The following DMC1 variants were observed in gnomAD, a reference collection of about 807,000 sequenced individuals.
The protein encoded by DMC1 is meiotic recombination protein DMC1 homolog.
A neutral mutation model predicts 50.1 loss-of-function variants in DMC1; 27 were observed. That is an observed-to-expected ratio of 0.54 (90% CI 0.40 to 0.74). The LOEUF is 0.74. Ranked by LOEUF, DMC1 falls within the 30% of genes least tolerant of loss-of-function variation. The pLI is 0.00. For synonymous variants in DMC1, 148 were observed against 136.1 expected, an observed-to-expected ratio of 1.09 and a Z score of -0.61; for missense variants, 295 against 420.2, an observed-to-expected ratio of 0.70 and a Z score of 2.60.
Position 38,549,981 on chromosome 22 carries a change from TG to T in DMC1, c.437del (p.Pro146GlnfsTer34). On this transcript the variant is annotated frameshift_variant, in exon 8 of 14. Transcript: ENST00000216024. LOFTEE classifies it high-confidence loss of function. ...SHTLCVTAQL[P>X]GAGGYPGGKI... ...TTCCTCCTGGGTAGCCACCAGCTCCTGGAAGTTGAGCTGTCACTAGGAAGCA... is the reference window on the plus strand; with the variant it reads ...TTCCTCCTGGGTAGCCACCAGCTCCTGAAGTTGAGCTGTCACTAGGAAGCA... The T allele has an allele frequency of 6.2e-7, 1 of 1,613,382 alleles. No individual in the cohort carries two copies. Among genetic ancestry groups the T allele is most frequent in the Non-Finnish European group, 8.5e-7 (1 of 1,179,492 alleles).
chr22:38,542,337 TAAAC>T (rs1293042306), intron 8 of DMC1, among the ~76,000 whole-genome samples: 1 of 151,908 alleles, frequency 6.6e-6, no homozygotes, highest in African/African-American at 2.4e-5. Flanking sequence ...TTAGAACTGA[TAAAC>T]AAATTCAGTA....
At chr22:38,533,395 CA>C (rs1296043692) in intron 12 of DMC1, among the ~76,000 whole-genome samples, 822 of 38,476 alleles carry the variant, frequency 0.021, 3 homozygotes, top group African/African-American at 0.054. Flanking sequence ...GACTCCATCA[CA>C]AAAAAAAAAA....
chr22:38,549,657 A>G, intron 8 of DMC1: 1 of 354,152 alleles, frequency 2.8e-6, no homozygotes, highest in South Asian at 4.6e-5. Flanking sequence ...CTATTAAGCA[A>G]CATCTTTAGA....
chr22:38,568,249 T>C lies in DMC1; in HGVS notation c.8A>G (p.Glu3Gly). Residue 3 changes from glutamate (E) to glycine (G), a missense_variant, in exon 2 of 14, where the codon GAG (glutamate) becomes GGG (glycine). Coordinates refer to ENST00000216024, the MANE Select transcript of DMC1 (RefSeq NM_007068.4). The part of the protein sequence containing the change: MK[E>G]DQVVAEEPGF... ...TGGTTCTTCCGCCACAACTTGATCC[T>C]CCTTCATATTGAAAAGTGGGCAACA... The C allele has an allele frequency of 6.2e-7, 1 of 1,614,168 alleles. No homozygotes were observed. Among genetic ancestry groups the C allele is most frequent in the Non-Finnish European group, 8.5e-7 (1 of 1,179,996 alleles).
At position 38,552,713 on chromosome 22, in the gene DMC1, A is replaced by G; in HGVS notation, c.380-6T>C. The G allele has an allele frequency of 1.3e-6, 2 of 1,569,636 alleles. No individual in the cohort carries two copies. The highest frequency in any genetic ancestry group is 1.8e-6 in the Non-Finnish European group (2 of 1,139,978). On this transcript the variant is annotated splice_polypyrimidine_tract_variant and splice_region_variant and intron_variant, in intron 6 of 13. Coordinates refer to ENST00000216024, the MANE Select transcript of DMC1 (RefSeq NM_007068.4). Reference sequence around the variant, plus strand: ...GGTTTTTCCAGTACGAAATTCTGTGAAATACAGAAAAAAATGATTTTAAAA... The same window carrying G: ...GGTTTTTCCAGTACGAAATTCTGTGGAATACAGAAAAAAATGATTTTAAAA...
intron 8 of DMC1, 36 bp from the exon 9 acceptor site, chr22:38,539,448 A>C: frequency 1.3e-6 from 2 of 1,572,224 alleles, no homozygotes; most frequent in Non-Finnish European, 1.8e-6. Context: ...CAATAAGTCA[A>C]TTCTAAAAAA....
intron 4 of DMC1, among the ~76,000 whole-genome samples, chr22:38,562,836 T>C (rs1057345013): frequency 1.3e-5 from 2 of 151,192 alleles, no homozygotes; most frequent in African/African-American, 4.9e-5. Context: ...TATATACATA[T>C]ACACATATAT....
chr22:38,524,753 C>T (rs902452197), intron 12 of DMC1, among the ~76,000 whole-genome samples: 2 of 152,130 alleles, frequency 1.3e-5, no homozygotes, highest in Admixed American at 6.6e-5. Flanking sequence ...AACTGGCCCC[C>T]TCTGTGCTTT....
intron 5 of DMC1, among the ~76,000 whole-genome samples, chr22:38,560,507 T>TA (rs908660820): frequency 0.012 from 1,766 of 143,234 alleles, 39 homozygotes; most frequent in African/African-American, 0.041. Flanking sequence ...TTTAGTGAAT[T>TA]AAAAAAAAAA....
chr22:38,549,867 C>T (rs2145925530), intron 8 of DMC1, 58 bp downstream of exon 8: 2 of 1,289,628 alleles, frequency 1.6e-6, no homozygotes, highest in Non-Finnish European at 2.3e-6. Flanking sequence ...ACAAACTCTT[C>T]AGTGGTAACA....
At chr22:38,538,021 G>A (rs2090234724) in intron 11 of DMC1, among the ~76,000 whole-genome samples, 1 of 151,990 alleles carries the variant, frequency 6.6e-6, no homozygotes, top group African/African-American at 2.4e-5. Context: ...GCAGGTGCCT[G>A]TAATTCCAGC....
intron 8 of DMC1, among the ~76,000 whole-genome samples, chr22:38,540,817 G>A (rs928662407): frequency 3.9e-5 from 6 of 152,052 alleles, no homozygotes; most frequent in South Asian, 2.1e-4. Context: ...TCATCATGTC[G>A]GTTTCTACAA....
At chr22:38,537,779 C>G (rs2090231702) in intron 11 of DMC1, 127 bp from the exon 12 acceptor site, 1 of 680,734 alleles carries the variant, frequency 1.5e-6, no homozygotes, top group Middle Eastern at 4.0e-4. Context: ...CATCATATTC[C>G]TATTTTTCAT....
chr22:38,555,199 G>C (rs547078524), intron 6 of DMC1, among the ~76,000 whole-genome samples, 158 bp downstream of exon 6: 33 of 152,142 alleles, frequency 2.2e-4, no homozygotes, highest in African/African-American at 7.9e-4. Context: ...TTGCAGTACA[G>C]AATGATCTCA....
intron 12 of DMC1, 47 bp downstream of exon 12, chr22:38,537,545 C>G (rs1440623185): frequency 1.9e-6 from 3 of 1,548,420 alleles, no homozygotes; most frequent in East Asian, 4.5e-5. Flanking sequence ...CTCTAACCCT[C>G]TTTATATTAA....
At chr22:38,525,378 ACCATGCCTC>A (rs1336161978) in intron 12 of DMC1, among the ~76,000 whole-genome samples, 3 of 152,178 alleles carry the variant, frequency 2.0e-5, no homozygotes, top group African/African-American at 7.2e-5. Flanking sequence ...CAGTTGAAGC[ACCATGCCTC>A]CCATGCCATT....
the DMC1 span, among the ~76,000 whole-genome samples, chr22:38,511,385 C>T: frequency 6.6e-6 from 1 of 151,954 alleles, no homozygotes; most frequent in African/African-American, 2.4e-5. Flanking sequence ...TCAAGATCAG[C>T]CTAGGTAACA....
At chr22:38,552,114 GC>G (rs1196470684) in intron 7 of DMC1, among the ~76,000 whole-genome samples, 1 of 152,002 alleles carries the variant, frequency 6.6e-6, no homozygotes, top group Non-Finnish European at 1.5e-5. Context: ...GCCCGCCTCG[GC>G]CTCCCAAAGT....
rs887269264 is a variant in DMC1 at position 38,566,506 on chromosome 22, A to G, written c.243+84T>C. 31 of 1,490,938 alleles carry G rather than the reference A, an allele frequency of 2.1e-5. No homozygotes were observed. The Admixed American group carries it at 2.2e-4, about 11-fold the overall frequency. 92.4% of individuals were successfully genotyped at this position (1,490,938 alleles called of 1,614,324 possible). A position where few individuals can be genotyped will look rare whatever the true frequency, so the allele number is the denominator to read the frequency against. ...GATCTACAGGAACTCAGTTCCCACA[A>G]TAATTTCTAGTTTTCATGAGAAAGC... On this transcript the variant is annotated intron_variant, in intron 4 of 13. Coordinates refer to ENST00000216024, the MANE Select transcript of DMC1 (RefSeq NM_007068.4).
Sources: allele counts gnomAD v4.1 joint callset (sites outside exome capture counted in the v4.1 genomes callset), GRCh38; gene constraint gnomAD v4.1.1; transcripts MANE v1.5; gene names NCBI Gene and HGNC (gene_info 2026-07-23, HGNC 2026-07-21).